Variants in PAPPA2 observed in about 807,000 individuals in gnomAD.
PAPPA2 encodes the protein pappalysin-2.
Under a neutral mutation model 176.4 loss-of-function variants are expected in PAPPA2, and 86 were observed. The ratio of observed to expected loss-of-function variants is 0.49; its 90% CI spans 0.41 to 0.58. The LOEUF is 0.58. PAPPA2 is among the 20% of genes least tolerant of loss of function. PAPPA2 has a pLI of 0.00. For synonymous variants in PAPPA2, 809 were observed against 852.2 expected (o/e 0.95, Z 0.88); for missense variants, 2,073 against 2,256.9 (o/e 0.92, Z 1.65).
chr1:176,557,380 G>C, intron 2 of PAPPA2, 139 bp downstream of exon 2: 1 of 974,508 alleles, frequency 1.0e-6, no homozygotes, highest in Admixed American at 2.9e-5. Flanking sequence ...GAGGGGGAAG[G>C]GCCTTTATTA....
chr1:176,590,247 T>C (rs1433908996), intron 2 of PAPPA2, among the ~76,000 whole-genome samples: 1 of 152,240 alleles, frequency 6.6e-6, no homozygotes, highest in African/African-American at 2.4e-5. Flanking sequence ...CTTTCCTTTT[T>C]AGTCTTTACA....
chr1:176,674,003 T>A (rs1026086345), intron 4 of PAPPA2, among the ~76,000 whole-genome samples: 2 of 152,104 alleles, frequency 1.3e-5, no homozygotes, highest in African/African-American at 4.8e-5. Flanking sequence ...AAGACTGATT[T>A]TCTGCTTGTG....
intron 3 of PAPPA2, among the ~76,000 whole-genome samples, chr1:176,612,825 A>G (rs1655007803): frequency 6.6e-6 from 1 of 152,160 alleles, no homozygotes; most frequent in African/African-American, 2.4e-5. Flanking sequence ...GGTTAAAATA[A>G]TTTTATTCCA....
intron 14 of PAPPA2, among the ~76,000 whole-genome samples, chr1:176,744,644 C>A (rs928730561): frequency 3.3e-5 from 5 of 152,114 alleles, no homozygotes; most frequent in Non-Finnish European, 7.3e-5. Context: ...GATCTCTGAC[C>A]CATGAAAAAC....
At chr1:176,708,544 G>GAGAGAA (rs1300138100) in intron 10 of PAPPA2, among the ~76,000 whole-genome samples, 3 of 151,760 alleles carry the variant, frequency 2.0e-5, no homozygotes, top group Admixed American at 2.0e-4. Context: ...GAGAGAGAGA[G>GAGAGAA]AGAGAGAGAG....
Position 176,769,801 on chromosome 1 carries a change from C to G in PAPPA2, c.4501+17C>G, listed in dbSNP as rs549547530. The G allele has an allele frequency of 1.3e-5, 21 of 1,580,328 alleles. No individual in the cohort carries two copies. The East Asian group carries it at 4.5e-4, about 34-fold the overall frequency. On this transcript the variant is annotated intron_variant, in intron 16 of 22. Coordinates refer to ENST00000367662, the MANE Select transcript of PAPPA2 (RefSeq NM_020318.3). ...AGCTGCAAGGTATTGTCTGGTCAAC[C>G]AGGAACTGTATGCAAGTTCTCTGCC...
chr1:176,625,523 C>G (rs1655957717), intron 3 of PAPPA2, among the ~76,000 whole-genome samples: 1 of 152,198 alleles, frequency 6.6e-6, no homozygotes. Context: ...AACACACTCT[C>G]TGTTGCACTA....
At chr1:176,585,866 C>T (rs964830416) in intron 2 of PAPPA2, among the ~76,000 whole-genome samples, 4 of 152,024 alleles carry the variant, frequency 2.6e-5, no homozygotes, top group African/African-American at 9.7e-5. Context: ...TTGAATTTCT[C>T]ATTCAAATAA....
chr1:176,607,904 G>A (rs569085540), intron 3 of PAPPA2, among the ~76,000 whole-genome samples: 11 of 152,096 alleles, frequency 7.2e-5, no homozygotes, highest in Admixed American at 2.0e-4. Context: ...TTGTTAATTC[G>A]TAATTTGGAT....
chr1:176,740,718 A>G (rs1241878577), intron 14 of PAPPA2, among the ~76,000 whole-genome samples: 1 of 152,182 alleles, frequency 6.6e-6, no homozygotes, highest in Non-Finnish European at 1.5e-5. Flanking sequence ...AGATGTGGCT[A>G]TGAGGTTCAC....
chr1:176,705,101 C>T (rs1265223222), intron 9 of PAPPA2, among the ~76,000 whole-genome samples: 1 of 151,954 alleles, frequency 6.6e-6, no homozygotes, highest in Non-Finnish European at 1.5e-5. Flanking sequence ...AAGGTTAATC[C>T]TCTCTCCATA....
At chr1:176,730,575 G>A (rs1005091174) in intron 12 of PAPPA2, among the ~76,000 whole-genome samples, 10 of 147,702 alleles carry the variant, frequency 6.8e-5, no homozygotes, top group African/African-American at 2.3e-4. Flanking sequence ...TTCATCTCTC[G>A]TTTTGTTCTC....
At chr1:176,787,777 T>C (rs921402600) in intron 17 of PAPPA2, among the ~76,000 whole-genome samples, 12 of 152,084 alleles carry the variant, frequency 7.9e-5, no homozygotes, top group Admixed American at 5.9e-4. Context: ...GATGATTTCA[T>C]AGGCCGGGCA....
intron 1 of PAPPA2, among the ~76,000 whole-genome samples, chr1:176,523,098 A>G (rs1649295131): frequency 6.6e-6 from 1 of 152,234 alleles, no homozygotes; most frequent in African/African-American, 2.4e-5. Flanking sequence ...CTGAATCTCT[A>G]GCCTAGCTTT....
chr1:176,761,612 T>TAA (rs1162527855), intron 14 of PAPPA2, among the ~76,000 whole-genome samples: 1 of 152,190 alleles, frequency 6.6e-6, no homozygotes, highest in Non-Finnish European at 1.5e-5. Context: ...GCTCCTTGGC[T>TAA]CACTCTGGCC....
chr1:176,578,956 G>T (rs1652806802), intron 2 of PAPPA2, among the ~76,000 whole-genome samples: 1 of 152,166 alleles, frequency 6.6e-6, no homozygotes, highest in African/African-American at 2.4e-5. Context: ...GTTCTTAGAA[G>T]ATATTTTTCT....
Position 176,765,675 on chromosome 1 carries a change from T to C in PAPPA2, c.4161T>C (p.His1387=), listed in dbSNP as rs778300401. The part of the protein sequence containing the change: ...GQNHQGQSCI[H]RPCGKQDSCP... Reference sequence around the variant, plus strand: ...ATTTCTCTTATCCCAGCTGTATCCATCGGCCCTGTGGGAAGCAGGACAGCT... The same window carrying C: ...ATTTCTCTTATCCCAGCTGTATCCACCGGCCCTGTGGGAAGCAGGACAGCT... The change falls in exon 15 of 23, where the codon CAT becomes CAC. Residue 1387 remains histidine, a synonymous_variant. Coordinates refer to ENST00000367662, the MANE Select transcript of PAPPA2 (RefSeq NM_020318.3). 6.2e-7 allele frequency: 1 copy of C among 1,613,954 alleles called. No homozygotes were observed. Among genetic ancestry groups the C allele is most frequent in the South Asian group, 1.1e-5 (1 of 91,066 alleles).
intron 1 of PAPPA2, among the ~76,000 whole-genome samples, chr1:176,549,578 G>A (rs1413009686): frequency 6.6e-6 from 1 of 152,206 alleles, no homozygotes; most frequent in Non-Finnish European, 1.5e-5. Context: ...TTTGGTAATA[G>A]AGTATTTGAT....
intron 3 of PAPPA2, among the ~76,000 whole-genome samples, chr1:176,664,694 T>C (rs541631624): frequency 1.3e-5 from 2 of 152,338 alleles, no homozygotes; most frequent in East Asian, 3.9e-4. Context: ...GATTATTTCT[T>C]TTATTTCAAC....
Sources: allele counts gnomAD v4.1 joint callset (sites outside exome capture counted in the v4.1 genomes callset), GRCh38; gene constraint gnomAD v4.1.1; transcripts MANE v1.5; gene names NCBI Gene and HGNC (gene_info 2026-07-23, HGNC 2026-07-21).